The following POU6F2 variants were observed in gnomAD, a reference collection of about 807,000 sequenced individuals.
POU6F2 encodes POU domain, class 6, transcription factor 2.
Under a neutral mutation model 71.3 loss-of-function variants are expected in POU6F2, and 31 were observed. That is an observed-to-expected ratio of 0.43 (90% CI 0.33 to 0.59). The LOEUF (loss-of-function observed/expected upper bound fraction) is 0.59. POU6F2 is among the 20% of genes least tolerant of loss of function. The pLI is 0.04. For synonymous variants in POU6F2, 347 were observed against 355.7 expected (o/e 0.98, Z 0.27); for missense variants, 783 against 856.8 (o/e 0.91, Z 1.07).
chr7:39,375,861 T>TTTG (rs955570380), intron 5 of POU6F2, among the ~76,000 whole-genome samples: 11 of 151,956 alleles, frequency 7.2e-5, no homozygotes, highest in Admixed American at 5.9e-4. Flanking sequence ...GGTGGAGTTT[T>TTTG]TTGTTGTTGT....
chr7:39,087,049 G>A (rs1472035499), intron 2 of POU6F2, among the ~76,000 whole-genome samples: 6 of 142,890 alleles, frequency 4.2e-5, no homozygotes, highest in Admixed American at 1.4e-4. Flanking sequence ...GTAAGAAACA[G>A]TCAAGCACCT....
intron 4 of POU6F2, among the ~76,000 whole-genome samples, chr7:39,268,736 T>C (rs889033495): frequency 6.6e-6 from 1 of 152,186 alleles, no homozygotes; most frequent in Non-Finnish European, 1.5e-5. Context: ...TATATATAAA[T>C]CCAAACAATC....
intron 4 of POU6F2, among the ~76,000 whole-genome samples, chr7:39,330,355 C>A (rs930278814): frequency 1.3e-4 from 20 of 152,196 alleles, no homozygotes; most frequent in Non-Finnish European, 2.5e-4. Flanking sequence ...CTGTCAACTG[C>A]AGAGCCATCT....
chr7:39,230,272 A>G (rs1480217320), intron 4 of POU6F2, among the ~76,000 whole-genome samples: 3 of 152,182 alleles, frequency 2.0e-5, no homozygotes, highest in Non-Finnish European at 4.4e-5. Context: ...TCGAGGCCAG[A>G]GTCCAAGACC....
intron 2 of POU6F2, among the ~76,000 whole-genome samples, chr7:39,127,836 ATTTTT>A (rs70977460): frequency 9.6e-6 from 1 of 104,174 alleles, no homozygotes; most frequent in Admixed American, 1.1e-4. Context: ...AGCCAGTGGA[ATTTTT>A]TTTTTTTTTT....
intron 4 of POU6F2, among the ~76,000 whole-genome samples, chr7:39,208,870 G>A (rs1291649379): frequency 1.3e-5 from 2 of 151,982 alleles, no homozygotes; most frequent in Admixed American, 6.6e-5. Context: ...GTAGGGAGAG[G>A]CGTTTTAATG....
chr7:39,333,300 G>A (rs1364329840), intron 4 of POU6F2, among the ~76,000 whole-genome samples: 2 of 152,146 alleles, frequency 1.3e-5, no homozygotes, highest in African/African-American at 2.4e-5. Flanking sequence ...CAACAAAGGC[G>A]GTAGTGGTTG....
chr7:39,423,009 A>T (rs749235120), intron 6 of POU6F2, among the ~76,000 whole-genome samples: 3 of 152,228 alleles, frequency 2.0e-5, no homozygotes, highest in Non-Finnish European at 4.4e-5. Context: ...TATCTGTAGA[A>T]TTCTAATTGG....
intron 5 of POU6F2, among the ~76,000 whole-genome samples, chr7:39,370,000 C>T (rs1394768207): frequency 6.6e-6 from 1 of 152,144 alleles, no homozygotes; most frequent in African/African-American, 2.4e-5. Context: ...ATACATTAGA[C>T]ATAATGCTGT....
At chr7:39,219,046 A>G (rs1794298190) in intron 4 of POU6F2, among the ~76,000 whole-genome samples, 1 of 152,304 alleles carries the variant, frequency 6.6e-6, no homozygotes, top group African/African-American at 2.4e-5. Flanking sequence ...AGGCTAAGGA[A>G]GCGTTTTCAA....
chr7:39,408,851 T>C (rs1787491022), intron 6 of POU6F2, among the ~76,000 whole-genome samples: 1 of 152,224 alleles, frequency 6.6e-6, no homozygotes, highest in South Asian at 2.1e-4. Context: ...TTTTTTGATG[T>C]TCAGAATATA....
chr7:39,053,487 A>G (rs946303516), intron 1 of POU6F2, among the ~76,000 whole-genome samples: 1 of 152,026 alleles, frequency 6.6e-6, no homozygotes, highest in Non-Finnish European at 1.5e-5. Flanking sequence ...ACATTTGCCA[A>G]CACCACCAAC....
intron 4 of POU6F2, among the ~76,000 whole-genome samples, chr7:39,308,702 G>T (rs543284475): frequency 1.3e-5 from 2 of 152,284 alleles, no homozygotes; most frequent in Non-Finnish European, 2.9e-5. Context: ...CAGACTGGAG[G>T]CCATTGCTCC....
At chr7:39,036,489 A>C (rs1790067387) in intron 1 of POU6F2, among the ~76,000 whole-genome samples, 1 of 152,106 alleles carries the variant, frequency 6.6e-6, no homozygotes, top group Admixed American at 6.6e-5. Context: ...CTAAATACAA[A>C]ATTTAACTTT....
intron 6 of POU6F2, among the ~76,000 whole-genome samples, chr7:39,428,423 C>T (rs1788021845): frequency 6.6e-6 from 1 of 152,194 alleles, no homozygotes; most frequent in South Asian, 2.1e-4. Flanking sequence ...AAGCATTTTT[C>T]AGAGATGAAT....
At chr7:39,434,067 C>T (rs1267807663) in intron 7 of POU6F2, among the ~76,000 whole-genome samples, 1 of 152,156 alleles carries the variant, frequency 6.6e-6, no homozygotes, top group African/African-American at 2.4e-5. Context: ...CAGGTATCAC[C>T]ACAGAGTTGG....
chr7:39,390,549 G>A (rs187719640), intron 5 of POU6F2, among the ~76,000 whole-genome samples: 5 of 152,296 alleles, frequency 3.3e-5, no homozygotes, highest in African/African-American at 1.2e-4. Flanking sequence ...AGCACCAAAA[G>A]GAATGTTTTC....
chr7:39,374,665 C>T (rs776733107), intron 5 of POU6F2, among the ~76,000 whole-genome samples: 1 of 152,186 alleles, frequency 6.6e-6, no homozygotes, highest in Non-Finnish European at 1.5e-5. Context: ...CAGAAAGGAA[C>T]CGTCAGTCAA....
At chr7:39,402,653 A>G (rs770147762) in intron 5 of POU6F2, among the ~76,000 whole-genome samples, 2 of 152,158 alleles carry the variant, frequency 1.3e-5, no homozygotes, top group Admixed American at 6.5e-5. Flanking sequence ...TCTACAGATG[A>G]GCTAATCCCA....
Sources: gnomAD v4.1 joint callset for allele counts (sites outside exome capture counted in the v4.1 genomes callset) on GRCh38, gnomAD v4.1.1 for gene constraint, MANE v1.5 for transcripts, NCBI Gene and HGNC (gene_info 2026-07-23, HGNC 2026-07-21) for gene names.